The following GPATCH8 variants were observed in gnomAD, a reference collection of about 807,000 sequenced individuals.
GPATCH8 encodes G patch domain-containing protein 8.
Under a neutral mutation model 118.3 loss-of-function variants are expected in GPATCH8, and 18 were observed. That is an observed-to-expected ratio of 0.15 (90% CI 0.11 to 0.23). The LOEUF is 0.23. Among genes scored for constraint, GPATCH8 ranks in the 10% least tolerant of loss-of-function variants. The pLI is 1.00. For missense variants in GPATCH8, 1,631 were observed against 1,873.8 expected (o/e 0.87, Z 2.39); for synonymous variants, 659 against 684.7 (o/e 0.96, Z 0.59).
chr17:44,457,837 T>C (rs534713634), intron 3 of GPATCH8, among the ~76,000 whole-genome samples: 1 of 152,054 alleles, frequency 6.6e-6, no homozygotes, highest in East Asian at 1.9e-4. Flanking sequence ...ATCCCAGCAC[T>C]TTGGGAGGCC....
chr17:44,405,649 C>T lies in GPATCH8; in HGVS notation c.623+272G>A, dbSNP rs527785696. On this transcript the variant is annotated intron_variant, in intron 7 of 7. Transcript: ENST00000591680. ...CCTCCAGAGTAGCTGGGACTACAGG[C>T]GCTCGCCACCATGCCCGGCTAATTT... 3.0e-4 allele frequency among the ~76,000 whole-genome samples: 46 copies of T among 152,132 alleles called. No homozygotes were observed. In the South Asian group the frequency reaches 3.3e-3, roughly 11 times the overall value.
chr17:44,417,189 C>A (rs1172861296), intron 6 of GPATCH8, among the ~76,000 whole-genome samples: 2 of 152,144 alleles, frequency 1.3e-5, no homozygotes, highest in South Asian at 2.1e-4. Context: ...TATGTTACTG[C>A]GTAATGAAAC....
rs574933927 is a variant in GPATCH8, at chr17:44,426,705, T to C, written c.349-2213A>G. 6.2e-4 allele frequency among the ~76,000 whole-genome samples: 91 copies of C among 147,480 alleles called. 1 individual carries two copies. The highest frequency in any genetic ancestry group is 2.1e-3 in the African/African-American group (85 of 39,616). Reference sequence around the variant, plus strand: ...AGGGCACATAGTGTGACAATGAAAATGGTCCCAGAACAATCAGTGACAATC... The same window carrying C: ...AGGGCACATAGTGTGACAATGAAAACGGTCCCAGAACAATCAGTGACAATC... On this transcript the variant is annotated intron_variant, in intron 5 of 7. Transcript: ENST00000591680.
At chr17:44,405,487 C>T (rs1396685811) in intron 7 of GPATCH8, among the ~76,000 whole-genome samples, 2 of 142,174 alleles carry the variant, frequency 1.4e-5, no homozygotes, top group Admixed American at 7.1e-5. Context: ...GGATTATAGG[C>T]GTGAACCACC....
At chr17:44,494,361 G>C (rs945961675) in intron 1 of GPATCH8, among the ~76,000 whole-genome samples, 1 of 152,156 alleles carries the variant, frequency 6.6e-6, no homozygotes, top group African/African-American at 2.4e-5. Context: ...GGAGGCCGAG[G>C]TGGGTGGATT....
intron 1 of GPATCH8, among the ~76,000 whole-genome samples, chr17:44,502,516 T>C (rs377006483): frequency 6.6e-6 from 1 of 152,336 alleles, no homozygotes; most frequent in South Asian, 2.1e-4. Flanking sequence ...TTGGCCTTTA[T>C]TTTTTACTCA....
intron 1 of GPATCH8, among the ~76,000 whole-genome samples, chr17:44,487,860 G>T (rs530542132): frequency 3.3e-5 from 5 of 151,696 alleles, no homozygotes; most frequent in Admixed American, 6.6e-5. Context: ...TATTTTTACA[G>T]CAAAATATGA....
At chr17:44,467,164 A>G in intron 2 of GPATCH8, 1 of 883,118 alleles carries the variant, frequency 1.1e-6, no homozygotes, top group Non-Finnish European at 1.6e-6. Flanking sequence ...CTGTCCAATC[A>G]CTAATGGTCG....
intron 3 of GPATCH8, among the ~76,000 whole-genome samples, chr17:44,457,109 C>T (rs751080544): frequency 2.6e-5 from 4 of 151,868 alleles, no homozygotes; most frequent in Admixed American, 6.6e-5. Context: ...GTGATCTGCC[C>T]GCCTCGGCCT....
In GPATCH8 at chr17:44,459,219, A is replaced by G. The variant is rs533417284; in HGVS notation, c.193+5253T>C. On this transcript the variant is annotated intron_variant, in intron 3 of 7. Coordinates refer to ENST00000591680, the MANE Select transcript of GPATCH8 (RefSeq NM_001002909.4). ...AAAAGCACAGATCCTGAAGTCCAACATCTATCACATATAAAGCAATATTAA... is the reference window on the plus strand; with the variant it reads ...AAAAGCACAGATCCTGAAGTCCAACGTCTATCACATATAAAGCAATATTAA... Among the ~76,000 whole-genome samples the G allele has an allele frequency of 4.6e-5, 7 of 152,334 alleles. No individual in the cohort carries two copies. In the East Asian group the frequency reaches 1.4e-3, roughly 29 times the overall value.
At position 44,396,763 on chromosome 17, in the gene GPATCH8, G is replaced by A. The variant is rs1374887783; in HGVS notation, c.*805C>T. 4.4e-6 allele frequency: 2 copies of A among 453,694 alleles called. No individual in the cohort carries two copies. The highest frequency in any genetic ancestry group is 1.6e-5 in the South Asian group (1 of 64,248). 28.1% of individuals were successfully genotyped at this position (453,694 alleles called of 1,614,324 possible). ...AGCATTTACGTTTATAGAGTTCAGT[G>A]CAATTTTTTACATTAAAAAAATCCT... On this transcript the variant is annotated 3_prime_UTR_variant, in exon 8 of 8. Transcript: ENST00000591680.
chr17:44,445,514 T>TC (rs1194491626), intron 3 of GPATCH8, among the ~76,000 whole-genome samples: 51 of 145,192 alleles, frequency 3.5e-4, no homozygotes, highest in African/African-American at 6.0e-4. Context: ...TTTTTTTTTT[T>TC]CCCCCCCTAA....
chr17:44,435,580 A>AT (rs1025546368), intron 4 of GPATCH8, among the ~76,000 whole-genome samples: 6 of 148,984 alleles, frequency 4.0e-5, no homozygotes, highest in South Asian at 2.1e-4. Context: ...TGCCCTGCTA[A>AT]TTTTTTTTGT....
At chr17:44,437,967 A>C (rs913755695) in intron 3 of GPATCH8, among the ~76,000 whole-genome samples, 1 of 150,858 alleles carries the variant, frequency 6.6e-6, no homozygotes, top group African/African-American at 2.4e-5. Context: ...AAACAAAACA[A>C]CAACTTCTAG....
At chr17:44,424,201 A>G (rs1238387767) in intron 6 of GPATCH8, 148 bp downstream of exon 6, 2 of 667,530 alleles carry the variant, frequency 3.0e-6, no homozygotes, top group African/African-American at 3.6e-5. Context: ...CTGCCACTGA[A>G]AAAACAAAGT....
At chr17:44,409,244 G>A (rs889781681) in intron 6 of GPATCH8, 8 of 152,146 alleles carry the variant, frequency 5.3e-5, no homozygotes. Context: ...CTAACTTAGT[G>A]CAGACACCCA....
At position 44,478,974 on chromosome 17, in the gene GPATCH8, G is replaced by A. The variant is rs192495845; in HGVS notation, c.46-4071C>T. Among the ~76,000 whole-genome samples the A allele has an allele frequency of 1.5e-3, 233 of 152,264 alleles. 1 individual carries two copies. The highest frequency in any genetic ancestry group is 5.2e-3 in the African/African-American group (217 of 41,558). Reference sequence around the variant, plus strand: ...GATCCTCCTGCCTCTGCCTCTAAAAGTTCTGGGATTACAGGCCTAAGCCAT... The same window carrying A: ...GATCCTCCTGCCTCTGCCTCTAAAAATTCTGGGATTACAGGCCTAAGCCAT... On this transcript the variant is annotated intron_variant, in intron 1 of 7. Coordinates refer to ENST00000591680, the MANE Select transcript of GPATCH8 (RefSeq NM_001002909.4).
chr17:44,420,990 T>A (rs1240110889), intron 6 of GPATCH8, among the ~76,000 whole-genome samples: 1 of 151,962 alleles, frequency 6.6e-6, no homozygotes, highest in Non-Finnish European at 1.5e-5. Flanking sequence ...CAGCTGGGAC[T>A]ACTAGCCAGG....
chr17:44,464,891 C>T (rs2051699317), intron 2 of GPATCH8: 1 of 289,380 alleles, frequency 3.5e-6, no homozygotes, highest in African/African-American at 2.2e-5. Flanking sequence ...AATCAAGGTA[C>T]TTATACAGTC....
Sources: allele counts gnomAD v4.1 joint callset (sites outside exome capture counted in the v4.1 genomes callset), GRCh38; gene constraint gnomAD v4.1.1; transcripts MANE v1.5; gene names NCBI Gene and HGNC (gene_info 2026-07-23, HGNC 2026-07-21).